TANGO6: variants seen among roughly 807,000 people sequenced by gnomAD.
TANGO6 encodes transport and Golgi organization protein 6 homolog.
In TANGO6, 90 loss-of-function variants were observed where a neutral mutation model predicts 114.2. The observed-to-expected ratio is 0.79, with a 90% CI of 0.66 to 0.94. The LOEUF is 0.94. TANGO6 is among the 40% of genes least tolerant of loss of function. The pLI is 0.00. For synonymous variants in TANGO6, 477 were observed against 509.8 expected, an observed-to-expected ratio of 0.94 and a Z score of 0.87; for missense variants, 1,274 against 1,315.3, an observed-to-expected ratio of 0.97 and a Z score of 0.49.
At chr16:68,947,032 T>TTGA (rs1963420789) in intron 14 of TANGO6, among the ~76,000 whole-genome samples, 1 of 152,218 alleles carries the variant, frequency 6.6e-6, no homozygotes, top group African/African-American at 2.4e-5. Flanking sequence ...TTTTCAAGAT[T>TTGA]ACACAGCAAA....
chr16:68,915,008 T>C (rs1962981198), intron 11 of TANGO6, among the ~76,000 whole-genome samples: 1 of 143,978 alleles, frequency 6.9e-6, no homozygotes, highest in African/African-American at 2.6e-5. Context: ...CACATATAGA[T>C]AGTGGAGGAT....
chr16:69,049,591 C>G (rs1198499606), intron 17 of TANGO6, among the ~76,000 whole-genome samples: 1 of 152,012 alleles, frequency 6.6e-6, no homozygotes, highest in African/African-American at 2.4e-5. Context: ...GCCACCATGC[C>G]TGGCTAATTT....
chr16:69,064,457 G>A (rs1321394658), intron 17 of TANGO6, among the ~76,000 whole-genome samples: 1 of 152,166 alleles, frequency 6.6e-6, no homozygotes, highest in African/African-American at 2.4e-5. Context: ...CCTAAAGGAA[G>A]CCTAAACCAT....
rs62055796 is a variant in TANGO6, at chr16:68,851,437, C to T, written c.94+7726C>T. Among the ~76,000 whole-genome samples the T allele has an allele frequency of 6.8e-3, 1,029 of 152,314 alleles. 6 individuals carry two copies. Among genetic ancestry groups the T allele is most frequent in the Middle Eastern group, 0.014 (4 of 294 alleles). On this transcript the variant is annotated intron_variant, in intron 1 of 17. Coordinates refer to ENST00000261778, the MANE Select transcript of TANGO6 (RefSeq NM_024562.2). The stretch of plus-strand genomic sequence containing the variant: ...CCTCCCAAAGTGCTGGGATTACAGG[C>T]ATGAGCCACCACGCCCGGCCTGCAT...
At chr16:69,076,667 C>T (rs933227883) in intron 17 of TANGO6, among the ~76,000 whole-genome samples, 11 of 152,160 alleles carry the variant, frequency 7.2e-5, no homozygotes, top group African/African-American at 2.7e-4. Flanking sequence ...TTGGGGCCTC[C>T]ATTTGCCCAC....
chr16:68,927,789 TC>T lies in TANGO6; in HGVS notation c.2350del (p.His784MetfsTer7). 1 of 1,613,866 alleles carries T rather than the reference TC, an allele frequency of 6.2e-7. No homozygotes were observed. Among genetic ancestry groups the T allele is most frequent in the Non-Finnish European group, 8.5e-7 (1 of 1,179,884 alleles). Reference sequence around the variant, plus strand: ...AAATAGAAGAGCAGCAACAAACCAGTCATGAAAGACCCACTGATGTAGCTCA... The same window carrying T: ...AAATAGAAGAGCAGCAACAAACCAGTATGAAAGACCCACTGATGTAGCTCA... ...GKIEEQQQTSHERPTDVAHSH... is the reference protein window; with the variant it reads ...GKIEEQQQTSXERPTDVAHSH... On this transcript the variant is annotated frameshift_variant, in exon 13 of 18. Coordinates refer to ENST00000261778, the MANE Select transcript of TANGO6 (RefSeq NM_024562.2). LOFTEE classifies it high-confidence loss of function.
chr16:68,973,825 A>G lies in TANGO6; in HGVS notation c.2702-203A>G, dbSNP rs747107166. The G allele has an allele frequency of 2.3e-5, 14 of 595,848 alleles. No individual in the cohort carries two copies. In the East Asian group the frequency reaches 3.7e-4, roughly 16 times the overall value. The allele number at this position is 595,848 out of a possible 1,614,324, so 36.9% of individuals were successfully genotyped here. ...TTAGAGATCGTATCAGGCTGGGACT[A>G]GACAAACACAGGAGTCTCAACTACC... On this transcript the variant is annotated intron_variant, in intron 14 of 17. Coordinates refer to ENST00000261778, the MANE Select transcript of TANGO6 (RefSeq NM_024562.2).
At chr16:68,997,069 A>T (rs1214719420) in intron 15 of TANGO6, among the ~76,000 whole-genome samples, 1 of 152,232 alleles carries the variant, frequency 6.6e-6, no homozygotes, top group Non-Finnish European at 1.5e-5. Flanking sequence ...CTGTGGGTTA[A>T]TGTTTGTCAA....
intron 7 of TANGO6, among the ~76,000 whole-genome samples, chr16:68,897,368 C>T (rs1962719498): frequency 6.6e-6 from 1 of 152,152 alleles, no homozygotes; most frequent in Non-Finnish European, 1.5e-5. Flanking sequence ...CTCCTTGAAG[C>T]AGATACTTTG....
At chr16:69,059,425 C>T (rs1370871079) in intron 17 of TANGO6, among the ~76,000 whole-genome samples, 3 of 151,746 alleles carry the variant, frequency 2.0e-5, no homozygotes, top group Non-Finnish European at 4.4e-5. Context: ...AGGCTGGTCT[C>T]GAACTCCTGA....
At chr16:69,065,610 A>G (rs1432691717) in intron 17 of TANGO6, among the ~76,000 whole-genome samples, 1 of 152,166 alleles carries the variant, frequency 6.6e-6, no homozygotes, top group Non-Finnish European at 1.5e-5. Flanking sequence ...GCAGAGAAAA[A>G]TACTCTTAAA....
intron 3 of TANGO6, among the ~76,000 whole-genome samples, chr16:68,864,554 C>G (rs1317126665): frequency 6.6e-6 from 1 of 151,948 alleles, no homozygotes; most frequent in Non-Finnish European, 1.5e-5. Flanking sequence ...GCACTTCAGC[C>G]TGGGCAACAG....
At chr16:69,048,363 A>G (rs1357342814) in intron 17 of TANGO6, among the ~76,000 whole-genome samples, 1 of 150,390 alleles carries the variant, frequency 6.6e-6, no homozygotes, top group African/African-American at 2.5e-5. Flanking sequence ...CTGCCTTTCA[A>G]AGTGCCAGGA....
intron 5 of TANGO6, among the ~76,000 whole-genome samples, chr16:68,877,064 A>G (rs946067680): frequency 6.6e-6 from 1 of 152,216 alleles, no homozygotes; most frequent in Admixed American, 6.5e-5. Flanking sequence ...TTATTGGTTC[A>G]AAGGTTTTAT....
At chr16:69,044,012 T>G (rs749684666) in intron 17 of TANGO6, among the ~76,000 whole-genome samples, 2 of 152,200 alleles carry the variant, frequency 1.3e-5, no homozygotes, top group African/African-American at 4.8e-5. Context: ...CCCATTTGAA[T>G]GTAGCCAGAG....
chr16:69,042,273 G>A (rs770261616), intron 17 of TANGO6, among the ~76,000 whole-genome samples: 8 of 152,150 alleles, frequency 5.3e-5, no homozygotes, highest in Non-Finnish European at 7.4e-5. Flanking sequence ...GTAGCCGGGC[G>A]GGGTGGCTCA....
intron 5 of TANGO6, among the ~76,000 whole-genome samples, chr16:68,876,866 A>C (rs1484129632): frequency 6.6e-6 from 1 of 152,172 alleles, no homozygotes; most frequent in Non-Finnish European, 1.5e-5. Flanking sequence ...AGATCATTTC[A>C]TTCATTTTCA....
At chr16:69,027,676 A>AT (rs960641432) in intron 16 of TANGO6, among the ~76,000 whole-genome samples, 7 of 150,726 alleles carry the variant, frequency 4.6e-5, no homozygotes, top group South Asian at 2.1e-4. Flanking sequence ...TGATTCCCAC[A>AT]TTTTTTTTTC....
intron 17 of TANGO6, among the ~76,000 whole-genome samples, chr16:69,079,812 C>G (rs968618856): frequency 4.6e-5 from 7 of 152,200 alleles, no homozygotes; most frequent in African/African-American, 1.7e-4. Flanking sequence ...CTTGGAACCT[C>G]TCTGGCCATA....
Sources: allele counts gnomAD v4.1 joint callset (sites outside exome capture counted in the v4.1 genomes callset), GRCh38; gene constraint gnomAD v4.1.1; transcripts MANE v1.5; gene names NCBI Gene and HGNC (gene_info 2026-07-23, HGNC 2026-07-21).